The following KCND2 variants were observed in gnomAD, a reference collection of about 807,000 sequenced individuals.
KCND2 encodes potassium voltage-gated channel subfamily D member 2.
A neutral mutation model predicts 54.4 loss-of-function variants in KCND2; 16 were observed. That is an observed-to-expected ratio of 0.29 (90% CI 0.20 to 0.45). The LOEUF is 0.45. Ranked by LOEUF, KCND2 falls within the 20% of genes least tolerant of loss-of-function variation. The pLI, the probability that KCND2 is intolerant of heterozygous loss-of-function variation, is 1.00. For missense variants in KCND2, 486 were observed against 824.2 expected (o/e 0.59, Z 5.02); for synonymous variants, 317 against 310.7 (o/e 1.02, Z -0.21).
At chr7:120,694,402 A>G (rs796268504) in intron 1 of KCND2, among the ~76,000 whole-genome samples, 11 of 152,266 alleles carry the variant, frequency 7.2e-5, no homozygotes, top group African/African-American at 2.4e-4. Context: ...GACAGGCACA[A>G]TCCATAAATA....
At chr7:120,556,777 A>G (rs1201897325) in intron 1 of KCND2, among the ~76,000 whole-genome samples, 2 of 152,210 alleles carry the variant, frequency 1.3e-5, no homozygotes, top group Non-Finnish European at 2.9e-5. Flanking sequence ...GACTTACAAT[A>G]TTAATAACAG....
chr7:120,747,364 A>G (rs144751315), intron 5 of KCND2, among the ~76,000 whole-genome samples: 153 of 152,236 alleles, frequency 1.0e-3, no homozygotes, highest in South Asian at 1.9e-3. Context: ...TCTGTCTTAA[A>G]TAAAACTTCT....
In KCND2 at chr7:120,309,109, C is replaced by T. The variant is rs147332930; in HGVS notation, c.1115+33362C>T. Among the ~76,000 whole-genome samples, 26 of 152,204 alleles carry T rather than the reference C, an allele frequency of 1.7e-4. No individual in the cohort carries two copies. The East Asian group carries it at 3.5e-3, about 20-fold the overall frequency. ...GGAACACAAAACAGGACACCAAAGG[C>T]TCAATAAGTGGAGATATTTGGTATT... On this transcript the variant is annotated intron_variant, in intron 1 of 5. Coordinates refer to ENST00000331113, the MANE Select transcript of KCND2 (RefSeq NM_012281.3).
chr7:120,356,092 G>T (rs1261172687), intron 1 of KCND2, among the ~76,000 whole-genome samples: 3 of 151,982 alleles, frequency 2.0e-5, no homozygotes, highest in African/African-American at 7.2e-5. Flanking sequence ...TTATTAGAAA[G>T]GACAAACCAG....
intron 1 of KCND2, among the ~76,000 whole-genome samples, chr7:120,300,215 G>T (rs913867990): frequency 1.3e-5 from 2 of 152,016 alleles, no homozygotes; most frequent in African/African-American, 4.8e-5. Flanking sequence ...ACTTAATTTG[G>T]AATTGACCAA....
At chr7:120,284,635 C>T (rs1291025389) in intron 1 of KCND2, among the ~76,000 whole-genome samples, 2 of 152,092 alleles carry the variant, frequency 1.3e-5, no homozygotes, top group African/African-American at 2.4e-5. Flanking sequence ...TTGCTAGGCT[C>T]GTTAGAAATC....
At chr7:120,340,615 A>G (rs753281914) in intron 1 of KCND2, among the ~76,000 whole-genome samples, 1 of 152,232 alleles carries the variant, frequency 6.6e-6, no homozygotes, top group African/African-American at 2.4e-5. Context: ...ATCAAGGACA[A>G]TGGACTTGAT....
At chr7:120,494,495 A>G (rs1021512063) in intron 1 of KCND2, among the ~76,000 whole-genome samples, 4 of 152,090 alleles carry the variant, frequency 2.6e-5, no homozygotes, top group Non-Finnish European at 2.9e-5. Flanking sequence ...AACATTAAAG[A>G]TAGTAACATG....
chr7:120,475,222 C>T (rs1030064364), intron 1 of KCND2, among the ~76,000 whole-genome samples: 2 of 152,198 alleles, frequency 1.3e-5, no homozygotes, highest in African/African-American at 4.8e-5. Flanking sequence ...AATTATATTT[C>T]TCACTATTTA....
At chr7:120,678,256 T>A (rs1262362558) in intron 1 of KCND2, among the ~76,000 whole-genome samples, 2 of 150,698 alleles carry the variant, frequency 1.3e-5, no homozygotes, top group Non-Finnish European at 3.0e-5. Context: ...ATTCCCAATT[T>A]CCTGTATGCA....
At chr7:120,637,874 A>G (rs1793324377) in intron 1 of KCND2, among the ~76,000 whole-genome samples, 1 of 152,094 alleles carries the variant, frequency 6.6e-6, no homozygotes, top group African/African-American at 2.4e-5. Flanking sequence ...TTTGCTGAGA[A>G]TCTGAAAATG....
At chr7:120,604,905 A>G (rs1792862260) in intron 1 of KCND2, among the ~76,000 whole-genome samples, 1 of 152,182 alleles carries the variant, frequency 6.6e-6, no homozygotes, top group Admixed American at 6.5e-5. Flanking sequence ...ATATAAGAAA[A>G]TTATGTTGCA....
chr7:120,721,802 C>T (rs548370998), intron 1 of KCND2, among the ~76,000 whole-genome samples: 1 of 152,288 alleles, frequency 6.6e-6, no homozygotes, highest in South Asian at 2.1e-4. Context: ...GCTGTGTCCC[C>T]ACCCAAATCT....
intron 1 of KCND2, among the ~76,000 whole-genome samples, chr7:120,630,732 G>A (rs1441232804): frequency 6.6e-6 from 1 of 152,112 alleles, no homozygotes; most frequent in Non-Finnish European, 1.5e-5. Flanking sequence ...ATTGAGTCAT[G>A]CTTTTCACAA....
chr7:120,577,309 G>A (rs765059677), intron 1 of KCND2, among the ~76,000 whole-genome samples: 3 of 152,060 alleles, frequency 2.0e-5, no homozygotes, highest in Non-Finnish European at 1.5e-5. Context: ...GGAAATAGAG[G>A]TGATTAATTA....
rs1269120057 is a variant in KCND2, at chr7:120,703,357, A to G, written c.1116-29546A>G. 4.6e-5 allele frequency among the ~76,000 whole-genome samples: 7 copies of G among 151,990 alleles called. No individual in the cohort carries two copies. The East Asian group carries it at 1.2e-3, about 25-fold the overall frequency. On this transcript the variant is annotated intron_variant, in intron 1 of 5. Coordinates refer to ENST00000331113, the MANE Select transcript of KCND2 (RefSeq NM_012281.3). Reference sequence around the variant, plus strand: ...GACAGGAGTCAGCATTTTGCCATCAACCTCCAGATGGTGATTTTCAGGACC... The same window carrying G: ...GACAGGAGTCAGCATTTTGCCATCAGCCTCCAGATGGTGATTTTCAGGACC...
intron 1 of KCND2, among the ~76,000 whole-genome samples, chr7:120,352,459 T>C (rs867824355): frequency 2.7e-5 from 4 of 148,112 alleles, no homozygotes; most frequent in South Asian, 2.1e-4. Context: ...CACACATACA[T>C]ACACACACAC....
chr7:120,560,855 G>A (rs2116409693), intron 1 of KCND2, among the ~76,000 whole-genome samples: 1 of 152,246 alleles, frequency 6.6e-6, no homozygotes, highest in South Asian at 2.1e-4. Flanking sequence ...AATCCAGTTT[G>A]CTAATTTTAG....
chr7:120,713,997 CTAA>C (rs1338063876), intron 1 of KCND2, among the ~76,000 whole-genome samples: 1 of 152,066 alleles, frequency 6.6e-6, no homozygotes, highest in Non-Finnish European at 1.5e-5. Flanking sequence ...TCAAGAAGGG[CTAA>C]TGAGTAAAGA....
Sources: gnomAD v4.1 joint callset for allele counts (sites outside exome capture counted in the v4.1 genomes callset) on GRCh38, gnomAD v4.1.1 for gene constraint, MANE v1.5 for transcripts, NCBI Gene and HGNC (gene_info 2026-07-23, HGNC 2026-07-21) for gene names.